EPHA3: variants seen among roughly 807,000 people sequenced by gnomAD.
EPHA3 encodes the protein EPH receptor A3.
In EPHA3, 42 loss-of-function variants were observed where a neutral mutation model predicts 107.1. That is an observed-to-expected ratio of 0.39 (90% CI 0.31 to 0.51). The LOEUF (loss-of-function observed/expected upper bound fraction) is 0.51, where lower values mean the gene tolerates loss of function less well. Among genes scored for constraint, EPHA3 ranks in the 20% least tolerant of loss-of-function variants. The probability of loss-of-function intolerance (pLI) is 0.78; values close to 1 mark genes in which losing one functional copy is unlikely to be tolerated. For synonymous variants in EPHA3, 461 were observed against 424.8 expected, an observed-to-expected ratio of 1.09 and a Z score of -1.05; for missense variants, 1,183 against 1,211.2, an observed-to-expected ratio of 0.98 and a Z score of 0.35.
intron 5 of EPHA3, among the ~76,000 whole-genome samples, chr3:89,343,024 ACT>A (rs917506148): frequency 3.3e-5 from 5 of 151,876 alleles, no homozygotes; most frequent in African/African-American, 1.2e-4. Flanking sequence ...TTGAGTATAA[ACT>A]CGGCTTCTGC....
intron 5 of EPHA3, among the ~76,000 whole-genome samples, chr3:89,389,038 C>T (rs116713961): frequency 0.016 from 2,439 of 152,174 alleles, 68 homozygotes; most frequent in African/African-American, 0.055. Context: ...GATCAGTTTT[C>T]AGAAAGTTGA....
At chr3:89,302,022 A>C (rs1408304107) in intron 3 of EPHA3, among the ~76,000 whole-genome samples, 2 of 152,204 alleles carry the variant, frequency 1.3e-5, no homozygotes, top group Non-Finnish European at 2.9e-5. Flanking sequence ...TAAATTCTTC[A>C]TACCACGGAA....
In EPHA3 at chr3:89,355,789, C is replaced by CT. The variant is rs1403566820; in HGVS notation, c.1306+13709dup. Reference sequence around the variant, plus strand: ...CCCGTGTCTGGGGGAAATAGAAACTCTTTTTTTTTTAATTAAAAATGTGAA... The same window carrying CT: ...CCCGTGTCTGGGGGAAATAGAAACTCTTTTTTTTTTTAATTAAAAATGTGAA... On this transcript the variant is annotated intron_variant, in intron 5 of 16. Coordinates refer to ENST00000336596, the MANE Select transcript of EPHA3 (RefSeq NM_005233.6). Among the ~76,000 whole-genome samples, 68 of 141,978 alleles carry CT rather than the reference C, an allele frequency of 4.8e-4. 3 individuals carry two copies. The highest frequency in any genetic ancestry group is 7.1e-4 in the Admixed American group (10 of 14,062). 93.1% of individuals were successfully genotyped at this position (141,978 alleles called of 152,430 possible). A position where few individuals can be genotyped will look rare whatever the true frequency, so the allele number is the denominator to read the frequency against.
At chr3:89,336,537 A>T (rs1168827774) in intron 3 of EPHA3, among the ~76,000 whole-genome samples, 1 of 152,200 alleles carries the variant, frequency 6.6e-6, no homozygotes, top group African/African-American at 2.4e-5. Context: ...TTCTTTATAA[A>T]ATAATAATTT....
chr3:89,317,570 C>T (rs1180078765), intron 3 of EPHA3, among the ~76,000 whole-genome samples: 1 of 151,718 alleles, frequency 6.6e-6, no homozygotes, highest in African/African-American at 2.4e-5. Context: ...CATATATTGA[C>T]CTGAAAAGTT....
intron 2 of EPHA3, among the ~76,000 whole-genome samples, chr3:89,167,071 T>C (rs561696065): frequency 6.6e-6 from 1 of 152,190 alleles, no homozygotes; most frequent in African/African-American, 2.4e-5. Context: ...GTGATACATA[T>C]CCTCATGGTC....
chr3:89,255,057 C>T lies in EPHA3; in HGVS notation c.814+44537C>T, dbSNP rs1237070725. On this transcript the variant is annotated intron_variant, in intron 3 of 16. Coordinates refer to ENST00000336596, the MANE Select transcript of EPHA3 (RefSeq NM_005233.6). ...TTCAGATCAGAAATTTAACAAATAA[C>T]TTCCTTTCATAAAAAAAGTTTATGT... Among the ~76,000 whole-genome samples, 2 of 152,096 alleles carry T rather than the reference C, an allele frequency of 1.3e-5. 1 individual carries two copies. Among genetic ancestry groups the T allele is most frequent in the African/African-American group, 4.8e-5 (2 of 41,416 alleles).
At chr3:89,254,395 G>A (rs950918837) in intron 3 of EPHA3, among the ~76,000 whole-genome samples, 1 of 152,102 alleles carries the variant, frequency 6.6e-6, no homozygotes, top group African/African-American at 2.4e-5. Context: ...GCCATCGAAT[G>A]GATAAATCTG....
chr3:89,320,158 A>G (rs1263411906), intron 3 of EPHA3, among the ~76,000 whole-genome samples: 1 of 151,994 alleles, frequency 6.6e-6, no homozygotes, highest in East Asian at 1.9e-4. Flanking sequence ...TAGAAGAAAG[A>G]TATACATACT....
Position 89,361,147 on chromosome 3 carries a change from A to G in EPHA3, c.1306+19057A>G, listed in dbSNP as rs1708082647. Among the ~76,000 whole-genome samples, 8 of 151,144 alleles carry G rather than the reference A, an allele frequency of 5.3e-5. 1 individual carries two copies. The Admixed American group carries it at 5.3e-4, about 10-fold the overall frequency. Reference sequence around the variant, plus strand: ...ATATGGTTTTTCAACTCAAAAGACTACACTAAAACAATTGGAAAAAAGATG... The same window carrying G: ...ATATGGTTTTTCAACTCAAAAGACTGCACTAAAACAATTGGAAAAAAGATG... On this transcript the variant is annotated intron_variant, in intron 5 of 16. Transcript: ENST00000336596.
intron 5 of EPHA3, among the ~76,000 whole-genome samples, chr3:89,346,452 T>G (rs1364768621): frequency 1.4e-5 from 2 of 147,708 alleles, no homozygotes; most frequent in Non-Finnish European, 3.0e-5. Flanking sequence ...TTCACCCACT[T>G]TTTGATGGGG....
chr3:89,288,562 T>A (rs1355683385), intron 3 of EPHA3, among the ~76,000 whole-genome samples: 1 of 152,118 alleles, frequency 6.6e-6, no homozygotes, highest in Non-Finnish European at 1.5e-5. Context: ...CCAATAGAGA[T>A]ACCGACTTGA....
At chr3:89,318,518 C>A (rs887278262) in intron 3 of EPHA3, among the ~76,000 whole-genome samples, 1 of 151,774 alleles carries the variant, frequency 6.6e-6, no homozygotes, top group Non-Finnish European at 1.5e-5. Flanking sequence ...TTTCCGGTAT[C>A]CTGGCCCTCA....
At chr3:89,339,818 A>G (rs1362014632) in intron 3 of EPHA3, among the ~76,000 whole-genome samples, 1 of 152,184 alleles carries the variant, frequency 6.6e-6, no homozygotes, top group Non-Finnish European at 1.5e-5. Flanking sequence ...GTAAATCATC[A>G]AGTCTATTTA....
intron 3 of EPHA3, among the ~76,000 whole-genome samples, chr3:89,307,744 G>T (rs1706660512): frequency 6.6e-6 from 1 of 151,992 alleles, no homozygotes; most frequent in Non-Finnish European, 1.5e-5. Flanking sequence ...GCAGAGACAG[G>T]GTCTGTTCAT....
At chr3:89,256,802 T>C (rs1705297607) in intron 3 of EPHA3, among the ~76,000 whole-genome samples, 1 of 152,154 alleles carries the variant, frequency 6.6e-6, no homozygotes, top group Non-Finnish European at 1.5e-5. Context: ...AAGAAATCCA[T>C]GGGTAACATA....
At chr3:89,476,879 A>T (rs548916193) in intron 16 of EPHA3, among the ~76,000 whole-genome samples, 100 of 152,142 alleles carry the variant, frequency 6.6e-4, no homozygotes, top group South Asian at 3.7e-3. Flanking sequence ...AAGTGCTGGG[A>T]TTACATTCCA....
At chr3:89,158,790 A>G (rs1704859734) in intron 2 of EPHA3, among the ~76,000 whole-genome samples, 1 of 152,104 alleles carries the variant, frequency 6.6e-6, no homozygotes, top group Admixed American at 6.6e-5. Context: ...CCAAAAGAGT[A>G]CTGGATCAAG....
At position 89,181,757 on chromosome 3, in the gene EPHA3, G is replaced by A. The variant is rs543719625; in HGVS notation, c.154-28103G>A. ...AACTTTAAGATTGTGGCAGCAGATC[G>A]TTAAATCTAAGCAGAGAGCCCTAGG... On this transcript the variant is annotated intron_variant, in intron 2 of 16. Coordinates refer to ENST00000336596, the MANE Select transcript of EPHA3 (RefSeq NM_005233.6). 2.3e-4 allele frequency among the ~76,000 whole-genome samples: 35 copies of A among 152,058 alleles called. No homozygotes were observed. The South Asian group carries it at 6.7e-3, about 29-fold the overall frequency.
Sources: gnomAD v4.1 joint callset for allele counts (sites outside exome capture counted in the v4.1 genomes callset) on GRCh38, gnomAD v4.1.1 for gene constraint, MANE v1.5 for transcripts, NCBI Gene and HGNC (gene_info 2026-07-23, HGNC 2026-07-21) for gene names.